Variants in MACROH2A1 observed in about 807,000 individuals in gnomAD.
The protein encoded by MACROH2A1 is macroH2A.1 histone.
Under a neutral mutation model 31.6 loss-of-function variants are expected in MACROH2A1, and 2 were observed. The ratio of observed to expected loss-of-function variants is 0.06; its 90% CI spans 0.03 to 0.20. The LOEUF (loss-of-function observed/expected upper bound fraction) is 0.20, where lower values mean the gene tolerates loss of function less well. Ranked by LOEUF, MACROH2A1 falls within the 10% of genes least tolerant of loss-of-function variation. The pLI is 1.00. For synonymous variants in MACROH2A1, 169 were observed against 189.6 expected (o/e 0.89, Z 0.89); for missense variants, 230 against 474.0 (o/e 0.49, Z 4.78).
intron 4 of MACROH2A1, chr5:135,361,395 C>T (rs1762831712): frequency 6.6e-6 from 1 of 152,366 alleles, no homozygotes; most frequent in Non-Finnish European, 1.5e-5. Flanking sequence ...CCTCCCACTT[C>T]CCAGAGTAAA....
At chr5:135,365,269 C>G (rs529483902) in intron 4 of MACROH2A1, among the ~76,000 whole-genome samples, 1 of 152,314 alleles carries the variant, frequency 6.6e-6, no homozygotes, top group African/African-American at 2.4e-5. Flanking sequence ...ATTCCACAGG[C>G]AAGTCCTATC....
chr5:135,372,959 T>C (rs536628474), intron 2 of MACROH2A1, among the ~76,000 whole-genome samples: 2 of 152,310 alleles, frequency 1.3e-5, no homozygotes, highest in South Asian at 4.1e-4. Context: ...GCTGATGGAT[T>C]ACAATCTTCT....
intron 2 of MACROH2A1, among the ~76,000 whole-genome samples, chr5:135,380,492 T>C (rs1765515864): frequency 6.6e-6 from 1 of 152,116 alleles, no homozygotes; most frequent in Non-Finnish European, 1.5e-5. Flanking sequence ...AGTTTCATGT[T>C]TTAGAACACA....
At chr5:135,377,815 A>T (rs1358637614) in intron 2 of MACROH2A1, among the ~76,000 whole-genome samples, 3 of 152,088 alleles carry the variant, frequency 2.0e-5, no homozygotes, top group African/African-American at 7.2e-5. Context: ...AAGCCCCCTT[A>T]CCCTCAGACA....
At chr5:135,387,838 C>A (rs1361019988) in intron 2 of MACROH2A1, among the ~76,000 whole-genome samples, 1 of 152,004 alleles carries the variant, frequency 6.6e-6, no homozygotes, top group Non-Finnish European at 1.5e-5. Flanking sequence ...GGCTGAGTCC[C>A]AGACTGGGGC....
At chr5:135,366,690 T>C (rs930199774) in intron 4 of MACROH2A1, among the ~76,000 whole-genome samples, 12 of 152,092 alleles carry the variant, frequency 7.9e-5, no homozygotes, top group South Asian at 2.1e-4. Flanking sequence ...GAGTGTGCCC[T>C]GGGGAGAAGT....
chr5:135,356,809 A>G (rs1431914590), intron 5 of MACROH2A1: 1 of 152,196 alleles, frequency 6.6e-6, no homozygotes, highest in African/African-American at 2.4e-5. Flanking sequence ...TCTTTTAAAA[A>G]AATATGATTA....
chr5:135,394,454 GCAA>G (rs746363938), intron 1 of MACROH2A1, among the ~76,000 whole-genome samples: 3 of 152,050 alleles, frequency 2.0e-5, no homozygotes, highest in Non-Finnish European at 2.9e-5. Flanking sequence ...CTCTCTATTT[GCAA>G]CAACCAGAGA....
intron 2 of MACROH2A1, among the ~76,000 whole-genome samples, chr5:135,382,360 T>C (rs1183113492): frequency 6.6e-6 from 1 of 152,206 alleles, no homozygotes; most frequent in Non-Finnish European, 1.5e-5. Flanking sequence ...CCTTTGACTT[T>C]TGAAGATTTC....
At chr5:135,363,860 A>G (rs918170171) in intron 4 of MACROH2A1, among the ~76,000 whole-genome samples, 1 of 152,168 alleles carries the variant, frequency 6.6e-6, no homozygotes, top group Non-Finnish European at 1.5e-5. Flanking sequence ...TTTAATGATC[A>G]CCATTCTAAC....
intron 2 of MACROH2A1, 30 bp downstream of exon 2, chr5:135,388,892 T>C: frequency 1.3e-6 from 2 of 1,544,554 alleles, no homozygotes; most frequent in Middle Eastern, 1.7e-4. Context: ...CTTAAGCCAG[T>C]GGTGTCTGGG....
chr5:135,370,057 G>A lies in MACROH2A1; in HGVS notation c.258C>T (p.Ala86=). The change falls in exon 3 of 9, where the codon GCC becomes GCT. Residue 86 remains alanine (A), a synonymous_variant. Coordinates refer to ENST00000511689, the MANE Select transcript of MACROH2A1 (RefSeq NM_138610.3). ...ATACCTGATTCAGCTCTTCATCATT[G>A]GCCACAGCCAGCAGGATGTGCCGGG... ...VTPRHILLAV[A]NDEELNQLLK... 3 of 1,611,344 alleles carry A rather than the reference G, an allele frequency of 1.9e-6. No homozygotes were observed. The highest frequency in any genetic ancestry group is 1.7e-6 in the Non-Finnish European group (2 of 1,177,598).
intron 4 of MACROH2A1, chr5:135,362,544 A>G (rs1401783746): frequency 6.6e-6 from 1 of 152,182 alleles, no homozygotes; most frequent in East Asian, 1.9e-4. Flanking sequence ...AAATATATAA[A>G]AATAGGATGC....
rs1256286379 is a variant in MACROH2A1 at position 135,388,990 on chromosome 5, C to G, written c.104G>C (p.Gly35Ala). 1.2e-6 allele frequency: 2 copies of G among 1,613,766 alleles called. No individual in the cohort carries two copies. The highest frequency in any genetic ancestry group is 2.2e-5 in the East Asian group (1 of 44,890). Residue 35 changes from glycine to alanine, a missense_variant, in exon 2 of 9, where the codon GGC (glycine) becomes GCC (alanine). Gly to Ala is a moderately conservative substitution (Grantham distance 60, BLOSUM62 0). Transcript: ENST00000511689. ...CACTCCAATCCTGTACTTGGGGTGG[C>G]CTTTCTTGATGTACCGCAGCATCCG... Reference protein sequence around the residue: ...VGRMLRYIKKGHPKYRIGVGA... With the variant: ...VGRMLRYIKKAHPKYRIGVGA...
At chr5:135,359,215 A>G (rs1476490162) in intron 5 of MACROH2A1, 1 of 985,398 alleles carries the variant, frequency 1.0e-6, no homozygotes, top group African/African-American at 1.7e-5. Context: ...AGAGTGGGGA[A>G]AAGAGGGAGA....
At chr5:135,397,025 G>C (rs1422638843) in intron 1 of MACROH2A1, among the ~76,000 whole-genome samples, 1 of 152,090 alleles carries the variant, frequency 6.6e-6, no homozygotes, top group Non-Finnish European at 1.5e-5. Flanking sequence ...TCTAGGAATG[G>C]GGCTCTGAAA....
At chr5:135,391,446 C>T (rs1767223964) in intron 1 of MACROH2A1, among the ~76,000 whole-genome samples, 1 of 152,180 alleles carries the variant, frequency 6.6e-6, no homozygotes, top group East Asian at 1.9e-4. Flanking sequence ...AGAAAGGATC[C>T]GTTAGCACTC....
chr5:135,345,036 AC>A (rs1760600424), intron 7 of MACROH2A1: 1 of 152,252 alleles, frequency 6.6e-6, no homozygotes, highest in South Asian at 2.1e-4. Context: ...CTTCCCTTGT[AC>A]AATGTGGGAC....
chr5:135,380,539 G>A (rs1287937424), intron 2 of MACROH2A1, among the ~76,000 whole-genome samples: 1 of 152,170 alleles, frequency 6.6e-6, no homozygotes, highest in East Asian at 1.9e-4. Flanking sequence ...GAACTATAAA[G>A]CTATCATCCC....
Sources: gnomAD v4.1 joint callset for allele counts (sites outside exome capture counted in the v4.1 genomes callset) on GRCh38, gnomAD v4.1.1 for gene constraint, MANE v1.5 for transcripts, NCBI Gene and HGNC (gene_info 2026-07-23, HGNC 2026-07-21) for gene names.